Variants in RACK1 observed in about 807,000 individuals in gnomAD.
RACK1 encodes the protein small ribosomal subunit protein RACK1.
In RACK1, 3 loss-of-function variants were observed where a neutral mutation model predicts 42.2. The observed-to-expected ratio is 0.07, with a 90% CI of 0.03 to 0.18. The LOEUF (loss-of-function observed/expected upper bound fraction) is 0.18. Ranked by LOEUF, RACK1 falls within the 10% of genes least tolerant of loss-of-function variation. RACK1 has a pLI of 1.00. For synonymous variants in RACK1, 181 were observed against 154.8 expected, an observed-to-expected ratio of 1.17 and a Z score of -1.25; for missense variants, 146 against 403.2, an observed-to-expected ratio of 0.36 and a Z score of 5.46.
intron 2 of RACK1, 164 bp downstream of exon 2, chr5:181,242,010 G>A: frequency 1.3e-6 from 1 of 790,086 alleles, no homozygotes; most frequent in South Asian, 1.4e-5. Context: ...GCAATGCTGA[G>A]TAACTTATTT....
At chr5:181,242,502 G>A (rs901640357) in intron 1 of RACK1, 157 bp from the exon 2 acceptor site, 2 of 679,368 alleles carry the variant, frequency 2.9e-6, no homozygotes, top group African/African-American at 3.5e-5. Flanking sequence ...TTACAGACCA[G>A]GACTGAGTGG....
chr5:181,240,122 A>C (rs776836343), intron 3 of RACK1: 2 of 154,110 alleles, frequency 1.3e-5, no homozygotes, highest in African/African-American at 2.4e-5. Flanking sequence ...TTAGGAAGCC[A>C]AGGTGGATGG....
At chr5:181,237,792 T>C (rs1759196373) in intron 6 of RACK1, 73 bp from the exon 7 acceptor site, 2 of 903,396 alleles carry the variant, frequency 2.2e-6, no homozygotes, top group Admixed American at 1.8e-5. Flanking sequence ...CCCTCAAGAT[T>C]CTCAAGTTAA....
chr5:181,242,422 T>C, intron 1 of RACK1, 77 bp from the exon 2 acceptor site: 1 of 997,894 alleles, frequency 1.0e-6, no homozygotes, highest in Non-Finnish European at 1.5e-6. Context: ...TCACTAAGTG[T>C]CAAGGTCATG....
At position 181,237,031 on chromosome 5, in the gene RACK1, A is replaced by C; in HGVS notation, c.900T>G (p.Ala300=). ...CTCGCACCAGGTTGTCCGTGTAGCC[A>C]GCAAACAGAGTCTGCAGGGAAGAAA... ...AWSADGQTLF[A]GYTDNLVRVW... is the part of the protein sequence containing the mutation. The change falls in exon 8 of 8, where the codon GCT becomes GCG. Residue 300 remains alanine (A), a synonymous_variant. Transcript: ENST00000512805. 6.2e-7 allele frequency: 1 copy of C among 1,614,128 alleles called. No homozygotes were observed. Among genetic ancestry groups the C allele is most frequent in the Non-Finnish European group, 8.5e-7 (1 of 1,180,022 alleles).
chr5:181,240,689 G>GA (rs1204244836), intron 3 of RACK1, among the ~76,000 whole-genome samples: 4 of 148,976 alleles, frequency 2.7e-5, no homozygotes, highest in African/African-American at 7.4e-5. Context: ...TCTCAAAAAA[G>GA]AAAAAAAATA....
rs776357433 is a variant in RACK1, at chr5:181,243,789, C to T, written c.12G>A (p.Gln4=). The T allele has an allele frequency of 3.0e-5, 48 of 1,606,016 alleles. No homozygotes were observed. The Admixed American group carries it at 8.2e-4, about 27-fold the overall frequency. ...CCTTGAGGGTGCCACGAAGGGTCAT[C>T]TGCTCAGTCATGGCGGCGGCGAGAG... MTE[Q]MTLRGTLKGH... is the part of the protein sequence containing the mutation. The change falls in exon 1 of 8, where the codon CAG becomes CAA. Residue 4 remains glutamine, a synonymous_variant. Coordinates refer to ENST00000512805, the MANE Select transcript of RACK1 (RefSeq NM_006098.5).
At chr5:181,241,246 T>C (rs906822846) in intron 3 of RACK1, 17 of 393,244 alleles carry the variant, frequency 4.3e-5, no homozygotes, top group African/African-American at 1.8e-4. Flanking sequence ...CTGGGCAACA[T>C]GGTGAAACCC....
chr5:181,242,363 G>T lies in RACK1; in HGVS notation c.110-18C>A. On this transcript the variant is annotated intron_variant, in intron 1 of 7. Coordinates refer to ENST00000512805, the MANE Select transcript of RACK1 (RefSeq NM_006098.5). ...GGTCTTATCTAAAGGAGGTAAAACAGAAGAAAAATCAGTGAGGAACCCGCA... is the reference window on the plus strand; with the variant it reads ...GGTCTTATCTAAAGGAGGTAAAACATAAGAAAAATCAGTGAGGAACCCGCA... 3 of 1,590,392 alleles carry T rather than the reference G, an allele frequency of 1.9e-6. No homozygotes were observed. The highest frequency in any genetic ancestry group is 2.6e-6 in the Non-Finnish European group (3 of 1,162,562).
chr5:181,242,593 T>C (rs577658331), intron 1 of RACK1: 40 of 543,128 alleles, frequency 7.4e-5, no homozygotes, highest in Non-Finnish European at 1.3e-4. Flanking sequence ...AGTCTCGCTC[T>C]GTCGCCCAGG....
rs11540177 is a variant in RACK1 at position 181,242,294 on chromosome 5, A to G, written c.161T>C (p.Ile54Thr). The change falls in exon 2 of 8, where the codon ATT becomes ACT. Residue 54 changes from isoleucine (I) to threonine (T), a missense_variant. Coordinates refer to ENST00000512805, the MANE Select transcript of RACK1 (RefSeq NM_006098.5). The stretch of plus-strand genomic sequence containing the variant: ...GTGACCCCGCAGAGCACGCTGTGGA[A>G]TTCCATAGTTGGTCTCATCCCTGGT... ...KLTRDETNYG[I>T]PQRALRGHSH... 2 of 1,614,004 alleles carry G rather than the reference A, an allele frequency of 1.2e-6. No individual in the cohort carries two copies. Among genetic ancestry groups the G allele is most frequent in the Non-Finnish European group, 1.7e-6 (2 of 1,179,822 alleles).
chr5:181,237,059 A>T lies in RACK1; in HGVS notation c.889-17T>A, dbSNP rs1351321016. ...AAACAGAGTCTGCAGGGAAGAAATGACAGTGACAGGTCAGGCTGGCATAAA... is the reference window on the plus strand; with the variant it reads ...AAACAGAGTCTGCAGGGAAGAAATGTCAGTGACAGGTCAGGCTGGCATAAA... On this transcript the variant is annotated splice_polypyrimidine_tract_variant and intron_variant, in intron 7 of 7. Transcript: ENST00000512805. The T allele has an allele frequency of 1.2e-6, 2 of 1,613,058 alleles. No homozygotes were observed. The highest frequency in any genetic ancestry group is 1.7e-6 in the Non-Finnish European group (2 of 1,179,736).
intron 5 of RACK1, 69 bp from the exon 6 acceptor site, chr5:181,238,308 TTC>T (rs959181410): frequency 2.0e-6 from 3 of 1,522,610 alleles, no homozygotes; most frequent in Non-Finnish European, 2.7e-6. Context: ...CATCTCAAGA[TTC>T]TGTCAGAATC....
chr5:181,238,055 T>C, intron 6 of RACK1, 44 bp downstream of exon 6: 2 of 1,606,818 alleles, frequency 1.2e-6, no homozygotes, highest in Non-Finnish European at 1.7e-6. Context: ...TTGCCAGGGC[T>C]CAGAGTGCAG....
chr5:181,238,580 G>A (rs760562149), intron 5 of RACK1: 47 of 336,554 alleles, frequency 1.4e-4, no homozygotes, highest in African/African-American at 3.2e-4. Context: ...CGAGGTGGGC[G>A]GATCACCTGA....
intron 5 of RACK1, chr5:181,238,557 C>T (rs1412480911): frequency 1.1e-5 from 4 of 348,732 alleles, no homozygotes; most frequent in East Asian, 1.5e-4. Flanking sequence ...GTAATCCCAG[C>T]ACTTTGGGAA....
chr5:181,239,550 G>T lies in RACK1; in HGVS notation c.462C>A (p.Val154=), dbSNP rs1187028878. The T allele has an allele frequency of 6.2e-7, 1 of 1,613,728 alleles. No individual in the cohort carries two copies. The highest frequency in any genetic ancestry group is 1.1e-5 in the South Asian group (1 of 91,074). Residue 154 remains valine, a synonymous_variant, in exon 4 of 8, where the codon GTC becomes GTA. Transcript: ENST00000512805. ...GGTTGCTGCTGTTGGGCGAGAAGCG[G>T]ACACAAGACACCCACTCTGAGTGGC... is the stretch of plus-strand genomic sequence containing the variant. ...DESHSEWVSC[V]RFSPNSSNPI... is the part of the protein sequence containing the mutation.
At position 181,239,472 on chromosome 5, in the gene RACK1, T is replaced by C; in HGVS notation, c.525+15A>G. The stretch of plus-strand genomic sequence containing the variant: ...ACCCTGACTGGTAAAGCCCCTGCCT[T>C]GGCTTGACGCTCACCTTGACCAGCT... On this transcript the variant is annotated intron_variant, in intron 4 of 7. Coordinates refer to ENST00000512805, the MANE Select transcript of RACK1 (RefSeq NM_006098.5). 1 of 1,594,464 alleles carries C rather than the reference T, an allele frequency of 6.3e-7. No homozygotes were observed. Among genetic ancestry groups the C allele is most frequent in the Non-Finnish European group, 8.6e-7 (1 of 1,162,154 alleles).
chr5:181,243,022 A>C (rs1483492901), intron 1 of RACK1: 2 of 350,282 alleles, frequency 5.7e-6, no homozygotes, highest in Non-Finnish European at 1.1e-5. Flanking sequence ...GGGCCGACAG[A>C]AATGTAGTAA....
Sources: gnomAD v4.1 joint callset for allele counts (sites outside exome capture counted in the v4.1 genomes callset) on GRCh38, gnomAD v4.1.1 for gene constraint, MANE v1.5 for transcripts, NCBI Gene and HGNC (gene_info 2026-07-23, HGNC 2026-07-21) for gene names.